The following PPP1R13L variants were observed in gnomAD, a reference collection of about 807,000 sequenced individuals.
The protein encoded by PPP1R13L is protein phosphatase 1 regulatory subunit 13 like.
Under a neutral mutation model 80.9 loss-of-function variants are expected in PPP1R13L, and 50 were observed. The ratio of observed to expected loss-of-function variants is 0.62; its 90% CI spans 0.49 to 0.78. PPP1R13L has a LOEUF of 0.78. Ranked by LOEUF, PPP1R13L falls within the 30% of genes least tolerant of loss-of-function variation. The pLI is 0.00. For missense variants in PPP1R13L, 1,200 were observed against 1,205.9 expected (o/e 1.00, Z 0.07); for synonymous variants, 602 against 534.3 (o/e 1.13, Z -1.75).
At chr19:45,403,663 C>A (rs976847782) in intron 1 of PPP1R13L, among the ~76,000 whole-genome samples, 1 of 152,182 alleles carries the variant, frequency 6.6e-6, no homozygotes, top group African/African-American at 2.4e-5. Flanking sequence ...TCCTACCTAC[C>A]TACCTACCAG....
chr19:45,382,559 G>A lies in PPP1R13L; in HGVS notation c.2416C>T (p.Gln806Ter), dbSNP rs1475477527. The change falls in exon 12 of 13, where the codon CAG (glutamine) becomes TAG (stop). Residue 806 changes from glutamine (Q) to a stop codon, truncating the protein, a stop_gained. Transcript: ENST00000360957. LOFTEE classifies it high-confidence loss of function. Reference protein sequence around the residue: ...TDWWWAALHGQEGYVPRNYFG... With the variant: ...TDWWWAALHG ...TAGTTCCGCGGCACGTAGCCCTCCT[G>A]GCCGTGCAGCGCGGCCCACCACCAG... The A allele has an allele frequency of 1.2e-6, 2 of 1,613,280 alleles. No homozygotes were observed. Among genetic ancestry groups the A allele is most frequent in the South Asian group, 2.2e-5 (2 of 91,030 alleles).
At chr19:45,386,792 T>G (rs1157694075) in intron 8 of PPP1R13L, among the ~76,000 whole-genome samples, 1 of 151,696 alleles carries the variant, frequency 6.6e-6, no homozygotes, top group East Asian at 2.0e-4. Flanking sequence ...TGCGCCACTA[T>G]GCCTGGCTAA....
chr19:45,396,544 C>T lies in PPP1R13L; in HGVS notation c.712+1G>A. 1 of 1,559,422 alleles carries T rather than the reference C, an allele frequency of 6.4e-7. No homozygotes were observed. ...GCCCCGCGAGGGGCCCCTGGGTTCA[C>T]CTTGCGCGCGCAGAGGCGGGGCGAA... On this transcript the variant is annotated splice_donor_variant, in intron 4 of 12. Transcript: ENST00000360957. LOFTEE classifies it high-confidence loss of function. This position sits in a 1 kb window ranked among gnomAD's most constrained non-coding sequence, Gnocchi z 5.3.
At position 45,396,204 on chromosome 19, in the gene PPP1R13L, C is replaced by G; in HGVS notation, c.867G>C (p.Arg289Ser). The G allele has an allele frequency of 6.2e-7, 1 of 1,611,710 alleles. No homozygotes were observed. The highest frequency in any genetic ancestry group is 8.5e-7 in the Non-Finnish European group (1 of 1,179,644). The change falls in exon 6 of 13, where the codon AGG becomes AGC. Residue 289 changes from arginine to serine, a missense_variant. Arg to Ser is a moderately radical substitution (Grantham distance 110, BLOSUM62 -1). Around this residue, in one of 5 missense-constraint regions of PPP1R13L, gnomAD observed 764 missense variants for 714.5 expected, o/e 1.07. Transcript: ENST00000360957. The surrounding 1 kb of genome is among the most constrained non-coding windows in gnomAD (Gnocchi z 5.3). ...ASPSLQLLPW[R>S]ESSLDGLGGT... ...CCCCCAGTCCATCCAGGCTGCTCTCCCTCCAAGGCAACAGCTGCAGGCTCG... is the reference window on the plus strand; with the variant it reads ...CCCCCAGTCCATCCAGGCTGCTCTCGCTCCAAGGCAACAGCTGCAGGCTCG...
intron 1 of PPP1R13L, among the ~76,000 whole-genome samples, chr19:45,401,000 T>A (rs1973221278): frequency 2.6e-5 from 1 of 38,452 alleles, no homozygotes; most frequent in Non-Finnish European, 3.8e-5. Context: ...ATGGTCTCGA[T>A]CTCCTGACCT....
chr19:45,392,026 GCC>G lies in PPP1R13L; in HGVS notation c.1667_1668del (p.Gly556AlafsTer15), dbSNP rs1458132319. ...IISRLFHRHG[G>X]PGPGGPEPEL... Reference sequence around the variant, plus strand: ...TCTGGCTCCGGCCCCCCGGGCCCTGGCCCCCCATGACGATGGAAGAGGCGGCT... The same window carrying G: ...TCTGGCTCCGGCCCCCCGGGCCCTGGCCCCATGACGATGGAAGAGGCGGCT... On this transcript the variant is annotated frameshift_variant, in exon 8 of 13. Transcript: ENST00000360957. LOFTEE classifies it high-confidence loss of function. The G allele has an allele frequency of 6.5e-7, 1 of 1,542,478 alleles. No individual in the cohort carries two copies. Among genetic ancestry groups the G allele is most frequent in the Admixed American group, 2.1e-5 (1 of 47,350 alleles).
In PPP1R13L at chr19:45,398,129, A is replaced by T. The variant is rs781303663; in HGVS notation, c.74T>A (p.Met25Lys). Residue 25 changes from methionine to lysine, a missense_variant, in exon 3 of 13, where the codon ATG (methionine) becomes AAG (lysine). Met to Lys is a moderately conservative substitution (Grantham distance 95). Transcript: ENST00000360957. ...MNFQSLAMKH[M>K]DLKQMELDTA... ...GTCCAGCTCCATCTGCTTCAGATCC[A>T]TGTGTTTCATGGCCAGCGCTGGGAA... 6.2e-7 allele frequency: 1 copy of T among 1,613,950 alleles called. No homozygotes were observed. Among genetic ancestry groups the T allele is most frequent in the Non-Finnish European group, 8.5e-7 (1 of 1,179,918 alleles).
chr19:45,389,765 T>G (rs560577742), intron 8 of PPP1R13L, among the ~76,000 whole-genome samples: 173 of 152,212 alleles, frequency 1.1e-3, no homozygotes, highest in African/African-American at 3.8e-3. Flanking sequence ...CAGCCGAGAC[T>G]CACTTGTTTT....
chr19:45,381,329 TG>T (rs1458045371), intron 12 of PPP1R13L, among the ~76,000 whole-genome samples: 1 of 151,802 alleles, frequency 6.6e-6, no homozygotes, highest in Non-Finnish European at 1.5e-5. Context: ...CCCAAAGTGC[TG>T]GGATTACAGG....
intron 8 of PPP1R13L, among the ~76,000 whole-genome samples, chr19:45,386,618 C>G (rs1402852409): frequency 6.8e-6 from 1 of 146,942 alleles, no homozygotes; most frequent in Non-Finnish European, 1.5e-5. Context: ...TTGTATTTTC[C>G]TTTTCTTTTT....
At chr19:45,398,580 CTTTTCTTTTTTTT>C (rs1164033025) in intron 1 of PPP1R13L, among the ~76,000 whole-genome samples, 1 of 147,548 alleles carries the variant, frequency 6.8e-6, no homozygotes, top group Non-Finnish European at 1.5e-5. Flanking sequence ...TTCTTTTTTT[CTTTTCTTTTTTTT>C]TTTTTTTTTG....
At chr19:45,390,908 G>A (rs1305683920) in intron 8 of PPP1R13L, among the ~76,000 whole-genome samples, 1 of 152,102 alleles carries the variant, frequency 6.6e-6, no homozygotes, top group Non-Finnish European at 1.5e-5. Context: ...TATAAGAGGA[G>A]AGAGCAAAGC....
chr19:45,388,677 T>A (rs1972912806), intron 8 of PPP1R13L, among the ~76,000 whole-genome samples: 1 of 152,180 alleles, frequency 6.6e-6, no homozygotes, highest in Admixed American at 6.6e-5. Flanking sequence ...ACTTCAAGAA[T>A]CAGTAATAAT....
rs1972986746 is a variant in PPP1R13L, at chr19:45,392,102, A to G, written c.1593T>C (p.Pro531=). 5 of 1,548,372 alleles carry G rather than the reference A, an allele frequency of 3.2e-6. No individual in the cohort carries two copies. In the Admixed American group the frequency reaches 9.9e-5, roughly 31 times the overall value. ...TGTGGGTAGGGGGCAGGGCCACAGC[A>G]GGGGCCTGCTCCATGGAGCCCCTGC... The part of the protein sequence containing the change: ...LKRRGSMEQA[P]AVALPPTHKK... Residue 531 remains proline (P), a synonymous_variant, in exon 8 of 13, where the codon CCT becomes CCC. Transcript: ENST00000360957.
chr19:45,397,196 G>A, intron 3 of PPP1R13L, 138 bp from the exon 4 acceptor site: 1 of 635,020 alleles, frequency 1.6e-6, no homozygotes, highest in Admixed American at 4.3e-5. Context: ...TTCAGGCACA[G>A]AGAGCCCAGG....
Position 45,395,448 on chromosome 19 carries a change from G to A in PPP1R13L, c.1342C>T (p.Pro448Ser). ...APQHPQQTWPPVNEGPPKPPT... is the reference protein window; with the variant it reads ...APQHPQQTWPSVNEGPPKPPT... The stretch of plus-strand genomic sequence containing the variant: ...ATTGCTGACTCACCTTCGTTCACAG[G>A]GGGCCATGTCTGTTGGGGATGCTGG... Residue 448 changes from proline to serine, a missense_variant, in exon 7 of 13, where the codon CCT (proline) becomes TCT (serine). Coordinates refer to ENST00000360957, the MANE Select transcript of PPP1R13L (RefSeq NM_006663.4). 6.5e-7 allele frequency: 1 copy of A among 1,545,152 alleles called. No homozygotes were observed. The highest frequency in any genetic ancestry group is 2.4e-5 in the East Asian group (1 of 41,372).
chr19:45,405,033 TC>T lies in PPP1R13L; in HGVS notation c.-57del. 7 of 985,944 alleles carry T rather than the reference TC, an allele frequency of 7.1e-6. No homozygotes were observed. Among genetic ancestry groups the T allele is most frequent in the Non-Finnish European group, 8.4e-6 (7 of 830,078 alleles). The allele number at this position is 985,944 out of a possible 1,614,324, so 61.1% of individuals were successfully genotyped here. On this transcript the variant is annotated 5_prime_UTR_variant, in exon 1 of 13. Coordinates refer to ENST00000360957, the MANE Select transcript of PPP1R13L (RefSeq NM_006663.4). ...CAGATCCTGGCACCTGGGGGCTTCC[TC>T]CAGCTCGGGCTCCGGCTTGGGGAGC...
rs1431354588 is a variant in PPP1R13L at position 45,395,473 on chromosome 19, G to C, written c.1317C>G (p.Pro439=). 2 of 1,522,974 alleles carry C rather than the reference G, an allele frequency of 1.3e-6. No homozygotes were observed. The highest frequency in any genetic ancestry group is 1.8e-6 in the Non-Finnish European group (2 of 1,134,504). 94.3% of individuals were successfully genotyped at this position (1,522,974 alleles called of 1,614,324 possible). Residue 439 remains proline (P), a synonymous_variant, in exon 7 of 13, where the codon CCC becomes CCG. Transcript: ENST00000360957. ...GGGGCCATGTCTGTTGGGGATGCTGGGGGGCTGGGGTAGGGGTTTGGGGTT... is the reference window on the plus strand; with the variant it reads ...GGGGCCATGTCTGTTGGGGATGCTGCGGGGCTGGGGTAGGGGTTTGGGGTT... ...QTQPQTPTPA[P]QHPQQTWPPV...
At chr19:45,399,111 A>C (rs1973176961) in intron 1 of PPP1R13L, among the ~76,000 whole-genome samples, 1 of 151,140 alleles carries the variant, frequency 6.6e-6, no homozygotes, top group African/African-American at 2.4e-5. Flanking sequence ...GCCTGGCTAA[A>C]TTTTTGTATT....
Sources: gnomAD v4.1 joint callset for allele counts (sites outside exome capture counted in the v4.1 genomes callset) on GRCh38, gnomAD v4.1.1 for gene constraint, gnomAD v4.1.1 regional missense constraint, Gnocchi (gnomAD v3.1) non-coding constraint, MANE v1.5 for transcripts, NCBI Gene and HGNC (gene_info 2026-07-23, HGNC 2026-07-21) for gene names.